The following MBD5 variants were observed in gnomAD, a reference collection of about 807,000 sequenced individuals.
The protein encoded by MBD5 is methyl-CpG-binding domain protein 5.
MBD5 carries 13 observed loss-of-function variants against 117.3 expected under a neutral mutation model. The observed-to-expected ratio is 0.11, with a 90% CI of 0.07 to 0.18. MBD5 has a LOEUF of 0.18. Ranked by LOEUF, MBD5 falls within the 10% of genes least tolerant of loss-of-function variation. The pLI, the probability that MBD5 is intolerant of heterozygous loss-of-function variation, is 1.00. For missense variants in MBD5, 1,879 were observed against 2,093.8 expected (o/e 0.90, Z 2.00); for synonymous variants, 727 against 766.4 (o/e 0.95, Z 0.85).
chr2:148,235,880 C>A (rs950598264), intron 3 of MBD5, among the ~76,000 whole-genome samples: 2 of 152,100 alleles, frequency 1.3e-5, no homozygotes, highest in African/African-American at 4.8e-5. Context: ...CTCACTGCTG[C>A]CTTGACTTCC....
At position 148,086,320 on chromosome 2, in the gene MBD5, T is replaced by C. The variant is rs547285946; in HGVS notation, c.-925+64636T>C. On this transcript the variant is annotated intron_variant, in intron 1 of 13. Coordinates refer to ENST00000642680, the MANE Select transcript of MBD5 (RefSeq NM_001378120.1). ...TCACATATTTTGTAACTGTTAACCATAATAGATTCCATCATCCTGAAGAGA... is the reference window on the plus strand; with the variant it reads ...TCACATATTTTGTAACTGTTAACCACAATAGATTCCATCATCCTGAAGAGA... Among the ~76,000 whole-genome samples the C allele has an allele frequency of 9.2e-5, 14 of 152,214 alleles. No individual in the cohort carries two copies. The East Asian group carries it at 2.5e-3, about 27-fold the overall frequency.
intron 5 of MBD5, among the ~76,000 whole-genome samples, chr2:148,461,928 A>C (rs1381914935): frequency 6.6e-6 from 1 of 152,100 alleles, no homozygotes; most frequent in Non-Finnish European, 1.5e-5. Flanking sequence ...TTTCCTCATA[A>C]GTTTCCTTTC....
At chr2:148,325,766 T>G (rs1702430705) in intron 3 of MBD5, among the ~76,000 whole-genome samples, 1 of 152,190 alleles carries the variant, frequency 6.6e-6, no homozygotes, top group African/African-American at 2.4e-5. Context: ...ATCAATTTTG[T>G]TGATCCTTTA....
At chr2:148,175,826 C>G (rs986407305) in intron 1 of MBD5, among the ~76,000 whole-genome samples, 2 of 152,084 alleles carry the variant, frequency 1.3e-5, no homozygotes, top group African/African-American at 4.8e-5. Context: ...AGAACATAAG[C>G]ACTTCTTAGG....
chr2:148,108,669 C>T (rs1040928526), intron 1 of MBD5, among the ~76,000 whole-genome samples: 9 of 152,084 alleles, frequency 5.9e-5, no homozygotes, highest in African/African-American at 1.9e-4. Flanking sequence ...CTCAGCATTT[C>T]TTTTTTTGCT....
intron 1 of MBD5, among the ~76,000 whole-genome samples, chr2:148,177,647 G>T (rs1385852408): frequency 6.6e-6 from 1 of 152,132 alleles, no homozygotes; most frequent in African/African-American, 2.4e-5. Context: ...CAGTGAAATT[G>T]TTTCTCAACT....
chr2:148,195,564 A>T (rs939027068), intron 2 of MBD5, among the ~76,000 whole-genome samples: 8 of 152,190 alleles, frequency 5.3e-5, no homozygotes, highest in South Asian at 2.1e-4. Flanking sequence ...CCGAATTGAC[A>T]TTTGTAGAAC....
At chr2:148,225,304 TAAAC>T (rs148288280) in intron 2 of MBD5, among the ~76,000 whole-genome samples, 45,384 of 151,740 alleles carry the variant, frequency 0.3, 7,223 homozygotes, top group South Asian at 0.43. Context: ...ACTGTTTACA[TAAAC>T]AAACAAACAA....
At chr2:148,212,055 A>G (rs957839862) in intron 2 of MBD5, among the ~76,000 whole-genome samples, 2 of 152,134 alleles carry the variant, frequency 1.3e-5, no homozygotes, top group African/African-American at 4.8e-5. Context: ...TGCCCAGCCC[A>G]CTGTTTTTTA....
intron 1 of MBD5, among the ~76,000 whole-genome samples, chr2:148,117,111 G>A (rs1696657380): frequency 6.6e-6 from 1 of 151,984 alleles, no homozygotes; most frequent in African/African-American, 2.4e-5. Flanking sequence ...GGTTGATAAA[G>A]ATATAACTAA....
In MBD5 at chr2:148,458,354, T is replaced by C. The variant is rs1706948587; in HGVS notation, c.-405T>C. The C allele has an allele frequency of 1.6e-5, 7 of 436,078 alleles. No homozygotes were observed. The South Asian group carries it at 5.4e-4, about 34-fold the overall frequency. The allele number at this position is 436,078 out of a possible 1,614,324, so 27.0% of individuals were successfully genotyped here. On this transcript the variant is annotated 5_prime_UTR_variant, in exon 5 of 14. It removes an upstream start codon present in the reference 5' UTR. Coordinates refer to ENST00000642680, the MANE Select transcript of MBD5 (RefSeq NM_001378120.1). The stretch of plus-strand genomic sequence containing the variant: ...TATTAACCGACTCACACTGTAAAAA[T>C]GAGACCAGTTTCTAAACAATAGAGA...
intron 3 of MBD5, among the ~76,000 whole-genome samples, chr2:148,255,113 G>A (rs1329966456): frequency 6.6e-6 from 1 of 152,258 alleles, no homozygotes; most frequent in Admixed American, 6.5e-5. Flanking sequence ...CCACAATGCA[G>A]TTGGAGCATG....
chr2:148,057,917 G>T (rs1172564285), intron 1 of MBD5, among the ~76,000 whole-genome samples: 2 of 152,068 alleles, frequency 1.3e-5, no homozygotes, highest in East Asian at 1.9e-4. Flanking sequence ...TCTGGGTCAT[G>T]CAATAAGCAC....
chr2:148,032,052 G>T (rs1694053116), intron 1 of MBD5, among the ~76,000 whole-genome samples: 1 of 151,984 alleles, frequency 6.6e-6, no homozygotes, highest in Non-Finnish European at 1.5e-5. Context: ...TCTTCTGAAA[G>T]TTTAAAGAGT....
intron 5 of MBD5, among the ~76,000 whole-genome samples, chr2:148,460,475 GT>G (rs1707033936): frequency 6.6e-6 from 1 of 152,104 alleles, no homozygotes; most frequent in African/African-American, 2.4e-5. Flanking sequence ...GATTTAATTT[GT>G]TTGTATATAA....
At chr2:148,223,412 C>G in intron 2 of MBD5, among the ~76,000 whole-genome samples, 1 of 152,074 alleles carries the variant, frequency 6.6e-6, no homozygotes, top group Non-Finnish European at 1.5e-5. Context: ...TCCTGGGAGA[C>G]TTTATTACAG....
rs146403168 is a variant in MBD5 at position 148,332,089 on chromosome 2, A to G, written c.-679-10125A>G. ...TTATAAAACAGAATATCTCTAAATC[A>G]CATGATTATATTTCTACTTCTTGAT... On this transcript the variant is annotated intron_variant, in intron 3 of 13. Transcript: ENST00000642680. Among the ~76,000 whole-genome samples, 1,519 of 152,220 alleles carry G rather than the reference A, an allele frequency of 1.0e-2. 24 individuals are homozygous for G. Among genetic ancestry groups the G allele is most frequent in the African/African-American group, 0.035 (1,456 of 41,552 alleles).
chr2:148,045,018 CAT>C (rs764250121), intron 1 of MBD5: 1 of 152,126 alleles, frequency 6.6e-6, no homozygotes, highest in Non-Finnish European at 1.5e-5. Context: ...ACTTTGTCCT[CAT>C]GTATTCCTCA....
chr2:148,102,996 C>T (rs183574841), intron 1 of MBD5, among the ~76,000 whole-genome samples: 2 of 152,034 alleles, frequency 1.3e-5, no homozygotes, highest in East Asian at 3.9e-4. Context: ...AACATTCTAA[C>T]TCACCAAGAA....
Sources: allele counts gnomAD v4.1 joint callset (sites outside exome capture counted in the v4.1 genomes callset), GRCh38; gene constraint gnomAD v4.1.1; transcripts MANE v1.5; gene names NCBI Gene and HGNC (gene_info 2026-07-23, HGNC 2026-07-21).